ARHGAP10: variants seen among roughly 807,000 people sequenced by gnomAD.
ARHGAP10 encodes rho GTPase-activating protein 10.
Under a neutral mutation model 108.6 loss-of-function variants are expected in ARHGAP10, and 87 were observed. That is an observed-to-expected ratio of 0.80 (90% CI 0.67 to 0.96). The LOEUF (loss-of-function observed/expected upper bound fraction) is 0.96. Ranked by LOEUF, ARHGAP10 falls within the 40% of genes least tolerant of loss-of-function variation. The probability of loss-of-function intolerance (pLI) is 0.00; values close to 1 mark genes in which losing one functional copy is unlikely to be tolerated. For synonymous variants in ARHGAP10, 347 were observed against 341.1 expected (o/e 1.02, Z -0.19); for missense variants, 939 against 954.5 (o/e 0.98, Z 0.21).
intron 18 of ARHGAP10, among the ~76,000 whole-genome samples, chr4:147,984,779 C>A (rs1029923818): frequency 1.3e-5 from 2 of 152,150 alleles, no homozygotes; most frequent in Non-Finnish European, 2.9e-5. Context: ...CAGCTGTGGC[C>A]AATATAGTTG....
chr4:147,907,786 C>G (rs1316019999), intron 11 of ARHGAP10, among the ~76,000 whole-genome samples: 1 of 152,124 alleles, frequency 6.6e-6, no homozygotes, highest in Non-Finnish European at 1.5e-5. Context: ...ACAAAGCATC[C>G]TTGGTCAGAT....
chr4:147,778,731 C>T (rs1730410296), intron 1 of ARHGAP10, among the ~76,000 whole-genome samples: 1 of 152,166 alleles, frequency 6.6e-6, no homozygotes, highest in African/African-American at 2.4e-5. Flanking sequence ...CAAACTGGCA[C>T]ATTTTATAAA....
At position 148,011,359 on chromosome 4, in the gene ARHGAP10, G is replaced by A. The variant is rs144456392; in HGVS notation, c.1717-11904G>A. ...CAGCTGGGAAATTTTGAATAGCTGT[G>A]GGCTGGAATCATCTGGAGGCTTCTG... On this transcript the variant is annotated intron_variant, in intron 18 of 22. Coordinates refer to ENST00000336498, the MANE Select transcript of ARHGAP10 (RefSeq NM_024605.4). Among the ~76,000 whole-genome samples, 34 of 152,300 alleles carry A rather than the reference G, an allele frequency of 2.2e-4. No homozygotes were observed. In the East Asian group the frequency reaches 5.4e-3, roughly 24 times the overall value.
At chr4:148,052,364 C>T (rs906133575) in intron 20 of ARHGAP10, among the ~76,000 whole-genome samples, 44 of 99,496 alleles carry the variant, frequency 4.4e-4, no homozygotes, top group East Asian at 9.4e-4. Context: ...AAAGATTTAT[C>T]TTTTAAAAGT....
chr4:147,797,468 A>C (rs895099270), intron 1 of ARHGAP10, among the ~76,000 whole-genome samples: 1 of 152,074 alleles, frequency 6.6e-6, no homozygotes, highest in Admixed American at 6.5e-5. Context: ...GCTGGAGTGC[A>C]GTGGCACTAT....
intron 1 of ARHGAP10, among the ~76,000 whole-genome samples, chr4:147,795,968 C>T (rs1354872864): frequency 6.6e-6 from 1 of 152,162 alleles, no homozygotes; most frequent in Non-Finnish European, 1.5e-5. Flanking sequence ...GCTGGGATTA[C>T]AGACATGAGC....
chr4:148,064,368 T>C, intron 21 of ARHGAP10, 48 bp from the exon 22 acceptor site: 1 of 1,575,190 alleles, frequency 6.3e-7, no homozygotes, highest in Non-Finnish European at 8.7e-7. Context: ...AGTTTCTCTC[T>C]GTTTTCCACA....
At position 148,023,289 on chromosome 4, in the gene ARHGAP10, A is replaced by T; in HGVS notation, c.1743A>T (p.Thr581=). ...EKIFRTPPDT[T]FPEPTCLSAS... ...TTTTTCGGACGCCGCCCGATACTAC[A>T]TTCCCTGAGCCCACCTGCCTGTCAG... Residue 581 remains threonine, a synonymous_variant, in exon 19 of 23, where the codon ACA becomes ACT. Coordinates refer to ENST00000336498, the MANE Select transcript of ARHGAP10 (RefSeq NM_024605.4). The T allele has an allele frequency of 3.7e-6, 6 of 1,614,118 alleles. No individual in the cohort carries two copies. Among genetic ancestry groups the T allele is most frequent in the Non-Finnish European group, 5.1e-6 (6 of 1,179,982 alleles).
chr4:147,915,407 A>C (rs1015352265), intron 13 of ARHGAP10, among the ~76,000 whole-genome samples: 2 of 152,204 alleles, frequency 1.3e-5, no homozygotes, highest in African/African-American at 2.4e-5. Flanking sequence ...TGAGTTTCTT[A>C]AGTAGAACTT....
intron 19 of ARHGAP10, among the ~76,000 whole-genome samples, chr4:148,046,090 T>G (rs1728868541): frequency 6.6e-6 from 1 of 152,204 alleles, no homozygotes. Flanking sequence ...TCAGGTGCAT[T>G]TTATGGTAGC....
intron 5 of ARHGAP10, chr4:147,864,574 C>T (rs1734465309): frequency 3.3e-6 from 1 of 305,700 alleles, no homozygotes; most frequent in South Asian, 5.0e-5. Flanking sequence ...GTAGGAGTCA[C>T]AAGCTTTTTC....
intron 20 of ARHGAP10, among the ~76,000 whole-genome samples, chr4:148,056,453 A>C (rs1729367174): frequency 6.6e-6 from 1 of 152,240 alleles, no homozygotes; most frequent in Admixed American, 6.5e-5. Context: ...TGTATCATTT[A>C]AAATAAATTT....
At chr4:147,793,115 G>C (rs1560761222) in intron 1 of ARHGAP10, among the ~76,000 whole-genome samples, 1 of 152,154 alleles carries the variant, frequency 6.6e-6, no homozygotes, top group East Asian at 1.9e-4. Flanking sequence ...ACTCCAGCCT[G>C]GGCGACAGAG....
At chr4:148,037,845 A>G (rs578196851) in intron 19 of ARHGAP10, among the ~76,000 whole-genome samples, 3 of 151,986 alleles carry the variant, frequency 2.0e-5, no homozygotes, top group Non-Finnish European at 2.9e-5. Flanking sequence ...AAAAAAAAAA[A>G]AAAGAAAAGA....
chr4:147,753,466 C>T (rs1197658486), intron 1 of ARHGAP10, among the ~76,000 whole-genome samples: 4 of 151,582 alleles, frequency 2.6e-5, no homozygotes, highest in Admixed American at 6.6e-5. Context: ...GCCTCAGCCT[C>T]CTGAGTAGCT....
intron 19 of ARHGAP10, among the ~76,000 whole-genome samples, chr4:148,045,636 G>T (rs1728841313): frequency 6.6e-6 from 1 of 151,578 alleles, no homozygotes; most frequent in South Asian, 2.1e-4. Context: ...TACTCGGGAG[G>T]CTGAGGCAGG....
intron 19 of ARHGAP10, among the ~76,000 whole-genome samples, chr4:148,033,790 G>A (rs756678267): frequency 6.6e-6 from 1 of 152,186 alleles, no homozygotes; most frequent in Non-Finnish European, 1.5e-5. Flanking sequence ...GGCCTGGAGA[G>A]ACTTCATTGG....
At chr4:147,968,962 A>ATTTTCTT (rs958677655) in intron 18 of ARHGAP10, among the ~76,000 whole-genome samples, 4 of 152,058 alleles carry the variant, frequency 2.6e-5, no homozygotes, top group African/African-American at 9.7e-5. Flanking sequence ...TACATAACTT[A>ATTTTCTT]TTTTCTTGTC....
At chr4:147,913,265 G>C in intron 13 of ARHGAP10, 126 bp downstream of exon 13, 1 of 776,492 alleles carries the variant, frequency 1.3e-6, no homozygotes, top group East Asian at 2.7e-5. Flanking sequence ...CTCATTCTGA[G>C]TATCAGAAGG....
Sources: allele counts gnomAD v4.1 joint callset (sites outside exome capture counted in the v4.1 genomes callset), GRCh38; gene constraint gnomAD v4.1.1; transcripts MANE v1.5; gene names NCBI Gene and HGNC (gene_info 2026-07-23, HGNC 2026-07-21).